Variants in STX18 observed in about 807,000 individuals in gnomAD.
STX18 encodes syntaxin-18.
Under a neutral mutation model 50.1 loss-of-function variants are expected in STX18, and 40 were observed. The observed-to-expected ratio is 0.80, with a 90% confidence interval of 0.62 to 1.04. The LOEUF is 1.04. STX18 is among the 50% of genes least tolerant of loss of function. The pLI is 0.00. For synonymous variants in STX18, 158 were observed against 151.8 expected (o/e 1.04, Z -0.30); for missense variants, 410 against 415.8 (o/e 0.99, Z 0.12).
chr4:4,535,553 G>C (rs1176096546), intron 1 of STX18, among the ~76,000 whole-genome samples: 1 of 152,206 alleles, frequency 6.6e-6, no homozygotes, highest in African/African-American at 2.4e-5. Flanking sequence ...TCCTCAAGGA[G>C]AGGGGGAAGG....
intron 5 of STX18, among the ~76,000 whole-genome samples, chr4:4,454,781 T>A (rs1726978987): frequency 6.6e-6 from 1 of 152,224 alleles, no homozygotes; most frequent in South Asian, 2.1e-4. Flanking sequence ...GCTGGACAGC[T>A]AACCCAAATT....
intron 2 of STX18, 137 bp from the exon 3 acceptor site, chr4:4,459,624 C>T (rs142596644): frequency 7.5e-6 from 5 of 671,132 alleles, no homozygotes; most frequent in Non-Finnish European, 1.3e-5. Context: ...AGGAACAGGC[C>T]AGGTGAAAAG....
chr4:4,421,417 A>C (rs902897666), intron 9 of STX18, among the ~76,000 whole-genome samples: 2 of 152,066 alleles, frequency 1.3e-5, no homozygotes, highest in African/African-American at 4.8e-5. Context: ...CGCCTGGCTA[A>C]ATTTTTAAAA....
At chr4:4,475,885 T>A (rs941240244) in intron 1 of STX18, among the ~76,000 whole-genome samples, 3 of 152,302 alleles carry the variant, frequency 2.0e-5, no homozygotes, top group Non-Finnish European at 4.4e-5. Context: ...CCTCCCAAAG[T>A]GCTGGGACTA....
intron 1 of STX18, among the ~76,000 whole-genome samples, chr4:4,493,072 A>G (rs1231757309): frequency 6.6e-6 from 1 of 152,226 alleles, no homozygotes; most frequent in Non-Finnish European, 1.5e-5. Context: ...CATGTCATAC[A>G]ATATTAAATA....
chr4:4,484,995 C>A (rs952017274), intron 1 of STX18, among the ~76,000 whole-genome samples: 1 of 152,226 alleles, frequency 6.6e-6, no homozygotes, highest in Non-Finnish European at 1.5e-5. Flanking sequence ...CACTGCTTTG[C>A]GTTTCAATCC....
intron 2 of STX18, 73 bp from the exon 3 acceptor site, chr4:4,459,560 A>G (rs184496536): frequency 9.3e-7 from 1 of 1,071,758 alleles, no homozygotes; most frequent in African/African-American, 1.6e-5. Flanking sequence ...ATGGGAAGAG[A>G]AGAAAAGGCC....
intron 1 of STX18, among the ~76,000 whole-genome samples, chr4:4,531,960 G>A (rs1232679913): frequency 6.6e-6 from 1 of 152,116 alleles, no homozygotes; most frequent in African/African-American, 2.4e-5. Flanking sequence ...TAAACTAGAA[G>A]CAGCCTAAAT....
intron 1 of STX18, among the ~76,000 whole-genome samples, chr4:4,519,905 T>C (rs892720478): frequency 1.3e-5 from 2 of 152,232 alleles, no homozygotes; most frequent in Non-Finnish European, 2.9e-5. Flanking sequence ...GGCATGATAC[T>C]GAAATTAGGA....
At chr4:4,498,539 C>T (rs1230130513) in intron 1 of STX18, among the ~76,000 whole-genome samples, 2 of 152,098 alleles carry the variant, frequency 1.3e-5, no homozygotes, top group East Asian at 3.8e-4. Context: ...AAGTAAGCAC[C>T]TGTGTTTGGA....
intron 1 of STX18, among the ~76,000 whole-genome samples, chr4:4,484,144 G>C (rs1403335008): frequency 6.6e-6 from 1 of 152,088 alleles, no homozygotes; most frequent in Non-Finnish European, 1.5e-5. Flanking sequence ...TTACAGGTGT[G>C]AGCCACCGTG....
chr4:4,524,638 T>C (rs1479216755), intron 1 of STX18, among the ~76,000 whole-genome samples: 1 of 152,220 alleles, frequency 6.6e-6, no homozygotes, highest in East Asian at 1.9e-4. Context: ...GCCAACACTG[T>C]GTGTGCAAGG....
intron 1 of STX18, among the ~76,000 whole-genome samples, chr4:4,528,159 C>T (rs1730889698): frequency 6.6e-6 from 1 of 152,152 alleles, no homozygotes; most frequent in Admixed American, 6.5e-5. Flanking sequence ...GCCAACTCCT[C>T]TTTTCCAGCC....
rs145516516 is a variant in STX18, at chr4:4,443,376, G to C, written c.498-4867C>G. Reference sequence around the variant, plus strand: ...TGCTCTAGAGCAATCAAACAAGATGGGGAAAAGCATGTATAGAAGGGATAT... The same window carrying C: ...TGCTCTAGAGCAATCAAACAAGATGCGGAAAAGCATGTATAGAAGGGATAT... On this transcript the variant is annotated intron_variant, in intron 5 of 10. Transcript: ENST00000306200. Among the ~76,000 whole-genome samples the C allele has an allele frequency of 1.1e-3, 172 of 152,310 alleles. 3 individuals are homozygous for C. The East Asian group carries it at 0.03, about 26-fold the overall frequency.
chr4:4,499,874 T>C (rs1392456151), intron 1 of STX18, among the ~76,000 whole-genome samples: 2 of 152,014 alleles, frequency 1.3e-5, no homozygotes, highest in Non-Finnish European at 2.9e-5. Context: ...TTTTTTTTTT[T>C]CAAATAAAAT....
intron 5 of STX18, among the ~76,000 whole-genome samples, chr4:4,447,118 T>G (rs917508329): frequency 2.0e-5 from 3 of 152,232 alleles, no homozygotes; most frequent in African/African-American, 2.4e-5. Context: ...TTAGCATCTA[T>G]GACTTAATAT....
intron 1 of STX18, among the ~76,000 whole-genome samples, chr4:4,487,147 A>T (rs142310927): frequency 7.6e-4 from 115 of 152,224 alleles, no homozygotes; most frequent in Middle Eastern, 3.4e-3. Context: ...ACGAGGGTAC[A>T]CTCTTTCTGT....
intron 1 of STX18, among the ~76,000 whole-genome samples, chr4:4,490,873 T>C (rs2108863669): frequency 6.6e-6 from 1 of 152,292 alleles, no homozygotes; most frequent in East Asian, 1.9e-4. Context: ...CCATTTGCTT[T>C]TGCATGTTTA....
chr4:4,527,832 ATATG>A (rs1730857070), intron 1 of STX18, among the ~76,000 whole-genome samples: 1 of 146,504 alleles, frequency 6.8e-6, no homozygotes, highest in African/African-American at 2.5e-5. Context: ...TTTTATATAT[ATATG>A]TCTTTATATA....
Sources: gnomAD v4.1 joint callset for allele counts (sites outside exome capture counted in the v4.1 genomes callset) on GRCh38, gnomAD v4.1.1 for gene constraint, MANE v1.5 for transcripts, NCBI Gene and HGNC (gene_info 2026-07-23, HGNC 2026-07-21) for gene names.